The following STARD10 variants were observed in gnomAD, a reference collection of about 807,000 sequenced individuals.
STARD10 encodes START domain-containing protein 10.
A neutral mutation model predicts 36.0 loss-of-function variants in STARD10; 24 were observed. That is an observed-to-expected ratio of 0.67 (90% confidence interval 0.48 to 0.94). The LOEUF is 0.94. STARD10 is among the 40% of genes least tolerant of loss of function. STARD10 has a pLI of 0.00. For synonymous variants in STARD10, 156 were observed against 161.9 expected, an observed-to-expected ratio of 0.96 and a Z score of 0.28; for missense variants, 335 against 396.6, an observed-to-expected ratio of 0.84 and a Z score of 1.32.
chr11:72,791,878 T>G (rs531785343), intron 1 of STARD10, among the ~76,000 whole-genome samples: 53 of 151,922 alleles, frequency 3.5e-4, no homozygotes, highest in Middle Eastern at 6.8e-3. Flanking sequence ...TTTTGTTTTG[T>G]TTTGTTTTGT....
chr11:72,754,831 G>T lies in STARD10; in HGVS notation c.*66C>A. 1 of 1,550,156 alleles carries T rather than the reference G, an allele frequency of 6.5e-7. No individual in the cohort carries two copies. The highest frequency in any genetic ancestry group is 8.7e-7 in the Non-Finnish European group (1 of 1,155,142). ...GGTGCCGGGTGGGGGAGGGGAGAAA[G>T]TGCAGGAGCGGCCGCCGCCCCAGGG... On this transcript the variant is annotated 3_prime_UTR_variant, in exon 7 of 7. Transcript: ENST00000334805.
In STARD10 at chr11:72,794,001, C is replaced by T. The variant is rs1859185232; in HGVS notation, c.-1240G>A. 6.6e-6 allele frequency: 1 copy of T among 152,248 alleles called. No individual in the cohort carries two copies. Among genetic ancestry groups the T allele is most frequent in the South Asian group, 2.1e-4 (1 of 4,834 alleles). The allele number at this position is 152,248 out of a possible 1,614,324, so 9.4% of individuals were successfully genotyped here. On this transcript the variant is annotated 5_prime_UTR_variant, in exon 1 of 7. Coordinates refer to ENST00000334805, the MANE Select transcript of STARD10 (RefSeq NM_006645.3). ...GGGGACTCCAGCATCTCAGTCATCG[C>T]GTCACCAAGCCCCACGTGCAGGTTC... is the stretch of plus-strand genomic sequence containing the variant.
chr11:72,765,062 G>A (rs1197517372), intron 2 of STARD10, among the ~76,000 whole-genome samples: 4 of 152,214 alleles, frequency 2.6e-5, no homozygotes, highest in African/African-American at 9.6e-5. Context: ...GAGGTTGGGA[G>A]TTCAAGACCA....
intron 5 of STARD10, among the ~76,000 whole-genome samples, chr11:72,757,145 C>CAAAA (rs34839119): frequency 0.015 from 1,576 of 102,098 alleles, 26 homozygotes; most frequent in African/African-American, 0.054. Flanking sequence ...AACTCTGTCT[C>CAAAA]AAAAAAAAAA....
At chr11:72,786,133 C>A (rs1859068136) in intron 1 of STARD10, among the ~76,000 whole-genome samples, 1 of 152,166 alleles carries the variant, frequency 6.6e-6, no homozygotes, top group Non-Finnish European at 1.5e-5. Context: ...AGGCAGACTG[C>A]ATGAGGCTAA....
At chr11:72,757,074 G>A (rs1591262614) in intron 5 of STARD10, among the ~76,000 whole-genome samples, 1 of 151,158 alleles carries the variant, frequency 6.6e-6, no homozygotes, top group Non-Finnish European at 1.5e-5. Flanking sequence ...GAACCCGGGA[G>A]GCAGAGGTTG....
At position 72,757,805 on chromosome 11, in the gene STARD10, CT is replaced by C; in HGVS notation, c.538del (p.Ser180AlafsTer21). On this transcript the variant is annotated frameshift_variant, in exon 5 of 7. Coordinates refer to ENST00000334805, the MANE Select transcript of STARD10 (RefSeq NM_006645.3). LOFTEE classifies it high-confidence loss of function. ...GYLIQSTGPK[S>X]CVITYLAQVD... is the part of the protein sequence containing the mutation. ...CTGGGCCAGGTAGGTGATGACGCAG[CT>C]CTTGGGCCCTGTGCTCTGGATGAGG... The C allele has an allele frequency of 1.2e-6, 2 of 1,614,222 alleles. No homozygotes were observed. The highest frequency in any genetic ancestry group is 1.7e-6 in the Non-Finnish European group (2 of 1,180,028).
chr11:72,759,131 T>G, intron 3 of STARD10, 103 bp downstream of exon 3: 1 of 1,413,504 alleles, frequency 7.1e-7, no homozygotes, highest in Non-Finnish European at 9.7e-7. Context: ...CCGAGCAGCT[T>G]GGTCATGTGA....
chr11:72,770,830 G>A (rs1858845535), intron 2 of STARD10, among the ~76,000 whole-genome samples: 1 of 152,194 alleles, frequency 6.6e-6, no homozygotes, highest in South Asian at 2.1e-4. Context: ...CCCGGCAGAG[G>A]TGATGGCCTG....
intron 4 of STARD10, 106 bp downstream of exon 4, chr11:72,758,424 G>A: frequency 1.2e-6 from 1 of 834,214 alleles, no homozygotes; most frequent in Non-Finnish European, 2.0e-6. Flanking sequence ...GAGGGCCAGT[G>A]GGCCCATGCC....
rs1858989767 is a variant in STARD10 at position 72,781,138 on chromosome 11, G to C, written c.44C>G (p.Pro15Arg). 1.2e-6 allele frequency: 2 copies of C among 1,613,216 alleles called. No homozygotes were observed. The highest frequency in any genetic ancestry group is 1.7e-6 in the Non-Finnish European group (2 of 1,180,014). ...CTGGACACTCTCACGGCCCAGGACCGGCCGAGGCCCTTGGGGCTCTGTAGA... is the reference window on the plus strand; with the variant it reads ...CTGGACACTCTCACGGCCCAGGACCCGCCGAGGCCCTTGGGGCTCTGTAGA... ...AASTEPQGPR[P>R]VLGRESVQVP... Residue 15 changes from proline to arginine, a missense_variant, in exon 2 of 7, where the codon CCG becomes CGG. Coordinates refer to ENST00000334805, the MANE Select transcript of STARD10 (RefSeq NM_006645.3). This position sits in a 1 kb window ranked among gnomAD's most constrained non-coding sequence, Gnocchi z 4.7.
At chr11:72,787,225 G>A (rs1565246059) in intron 1 of STARD10, among the ~76,000 whole-genome samples, 2 of 152,102 alleles carry the variant, frequency 1.3e-5, no homozygotes, top group Non-Finnish European at 1.5e-5. Context: ...CACTGAGCAG[G>A]GAACTTTGTG....
Position 72,781,141 on chromosome 11 carries a change from C to A in STARD10, c.41G>T (p.Arg14Leu). ...GACACTCTCACGGCCCAGGACCGGC[C>A]GAGGCCCTTGGGGCTCTGTAGAGGC... Reference protein sequence around the residue: ...LAASTEPQGPRPVLGRESVQV... With the variant: ...LAASTEPQGPLPVLGRESVQV... The change falls in exon 2 of 7, where the codon CGG becomes CTG. Residue 14 changes from arginine (R) to leucine (L), a missense_variant. Coordinates refer to ENST00000334805, the MANE Select transcript of STARD10 (RefSeq NM_006645.3). This position sits in a 1 kb window ranked among gnomAD's most constrained non-coding sequence, Gnocchi z 4.7. 2 of 1,613,104 alleles carry A rather than the reference C, an allele frequency of 1.2e-6. No homozygotes were observed. The highest frequency in any genetic ancestry group is 8.5e-7 in the Non-Finnish European group (1 of 1,180,012).
intron 2 of STARD10, chr11:72,780,557 G>A (rs1446954597): frequency 2.8e-6 from 1 of 353,656 alleles, no homozygotes; most frequent in Non-Finnish European, 5.6e-6. Context: ...CGGGGAAGGA[G>A]ACCCAGCTCA....
At position 72,754,965 on chromosome 11, in the gene STARD10, C is replaced by T. The variant is rs1197797427; in HGVS notation, c.808G>A (p.Glu270Lys). 2.5e-6 allele frequency: 4 copies of T among 1,609,544 alleles called. No homozygotes were observed. In the African/African-American group the frequency reaches 4.0e-5, roughly 16 times the overall value. The change falls in exon 7 of 7, where the codon GAG becomes AAG. Residue 270 changes from glutamate to lysine, a missense_variant. Glu to Lys is a moderately conservative substitution (Grantham distance 56). Transcript: ENST00000334805. ...LENIDESAVA[E>K]SREERMGGAG... is the part of the protein sequence containing the mutation. ...CCGCCCATCCGCTCCTCTCTGCTCT[C>T]GGCCACCGCGCTCTCGTCGATGTTC...
At chr11:72,766,372 A>G (rs1409380068) in intron 2 of STARD10, among the ~76,000 whole-genome samples, 1 of 152,166 alleles carries the variant, frequency 6.6e-6, no homozygotes, top group Non-Finnish European at 1.5e-5. Context: ...GGTTCCGCCA[A>G]GTAGAGTGGT....
chr11:72,770,788 G>A (rs907801548), intron 2 of STARD10, among the ~76,000 whole-genome samples: 3 of 152,110 alleles, frequency 2.0e-5, no homozygotes, highest in South Asian at 4.1e-4. Context: ...GAGAGGAGAC[G>A]GCACCCAGAT....
chr11:72,772,842 C>T (rs535413574), intron 2 of STARD10, among the ~76,000 whole-genome samples: 1 of 152,260 alleles, frequency 6.6e-6, no homozygotes, highest in African/African-American at 2.4e-5. Flanking sequence ...CCTGCTGGTC[C>T]CCTGAGGCCC....
intron 2 of STARD10, among the ~76,000 whole-genome samples, chr11:72,771,211 A>G (rs568714879): frequency 6.6e-6 from 1 of 152,296 alleles, no homozygotes; most frequent in South Asian, 2.1e-4. Flanking sequence ...TGTAGGACCC[A>G]AGGAATCAGG....
Sources: gnomAD v4.1 joint callset for allele counts (sites outside exome capture counted in the v4.1 genomes callset) on GRCh38, gnomAD v4.1.1 for gene constraint, Gnocchi (gnomAD v3.1) non-coding constraint, MANE v1.5 for transcripts, NCBI Gene and HGNC (gene_info 2026-07-23, HGNC 2026-07-21) for gene names.